SCRN2: variants seen among roughly 807,000 people sequenced by gnomAD.
SCRN2 encodes the protein secernin 2.
In SCRN2, 30 loss-of-function variants were observed where a neutral mutation model predicts 40.1. The ratio of observed to expected loss-of-function variants is 0.75; its 90% CI spans 0.56 to 1.01. The LOEUF (loss-of-function observed/expected upper bound fraction) is 1.01, where lower values mean the gene tolerates loss of function less well. Among genes scored for constraint, SCRN2 ranks in the 50% least tolerant of loss-of-function variants. The pLI is 0.00. For missense variants in SCRN2, 526 were observed against 564.9 expected, an observed-to-expected ratio of 0.93 and a Z score of 0.70; for synonymous variants, 240 against 233.5, an observed-to-expected ratio of 1.03 and a Z score of -0.25.
Position 47,838,981 on chromosome 17 carries a change from C to T in SCRN2, c.582G>A (p.Gln194=). The T allele has an allele frequency of 6.2e-7, 1 of 1,614,012 alleles. No individual in the cohort carries two copies. The highest frequency in any genetic ancestry group is 1.3e-5 in the African/African-American group (1 of 75,076). Residue 194 remains glutamine (Q), a synonymous_variant, in exon 5 of 8, where the codon CAG becomes CAA. Transcript: ENST00000290216. ...IQEGARNISN[Q]LSIGTDISAQ... ...CCGAGATGTCCGTGCCAATGCTCAGCTGGTTGGAGATGTTGCGGGCCCCCT... is the reference window on the plus strand; with the variant it reads ...CCGAGATGTCCGTGCCAATGCTCAGTTGGTTGGAGATGTTGCGGGCCCCCT...
intron 7 of SCRN2, 59 bp from the exon 8 acceptor site, chr17:47,838,061 G>A: frequency 6.3e-7 from 1 of 1,580,686 alleles, no homozygotes; most frequent in Non-Finnish European, 8.5e-7. Flanking sequence ...CCAGGTGAAG[G>A]GGGGACTGTG....
chr17:47,840,805 G>A lies in SCRN2; in HGVS notation c.39C>T (p.Asp13=), dbSNP rs751504715. Residue 13 remains aspartate, a synonymous_variant, in exon 2 of 8, where the codon GAC becomes GAT. Coordinates refer to ENST00000290216, the MANE Select transcript of SCRN2 (RefSeq NM_138355.4). Reference sequence around the variant, plus strand: ...AGGCCGGGGGCACGGAGACAAAGCAGTCGCAGGAACATGGGGAGTCAGGGC... The same window carrying A: ...AGGCCGGGGGCACGGAGACAAAGCAATCGCAGGAACATGGGGAGTCAGGGC... ...SSSPDSPCSC[D]CFVSVPPASA... The A allele has an allele frequency of 5.1e-6, 8 of 1,565,938 alleles. No individual in the cohort carries two copies. Among genetic ancestry groups the A allele is most frequent in the Middle Eastern group, 1.7e-4 (1 of 5,850 alleles).
chr17:47,840,815 C>A lies in SCRN2; in HGVS notation c.29G>T (p.Cys10Phe). The stretch of plus-strand genomic sequence containing the variant: ...CACGGAGACAAAGCAGTCGCAGGAA[C>A]ATGGGGAGTCAGGGCTCGACGACGC... MASSSPDSP[C>F]SCDCFVSVPP... Residue 10 changes from cysteine to phenylalanine, a missense_variant, in exon 2 of 8, where the codon TGT becomes TTT. Physicochemically the swap from Cys to Phe is radical, Grantham distance 205. Transcript: ENST00000290216. The A allele has an allele frequency of 6.4e-7, 1 of 1,551,590 alleles. No individual in the cohort carries two copies. Among genetic ancestry groups the A allele is most frequent in the Non-Finnish European group, 8.7e-7 (1 of 1,145,778 alleles).
chr17:47,840,797 A>G lies in SCRN2; in HGVS notation c.47T>C (p.Val16Ala). 6.4e-7 allele frequency: 1 copy of G among 1,574,212 alleles called. No homozygotes were observed. The highest frequency in any genetic ancestry group is 8.6e-7 in the Non-Finnish European group (1 of 1,157,632). Residue 16 changes from valine to alanine, a missense_variant, in exon 2 of 8, where the codon GTC becomes GCC. By Grantham distance (64) the Val-to-Ala change is moderately conservative. Coordinates refer to ENST00000290216, the MANE Select transcript of SCRN2 (RefSeq NM_138355.4). ...GATGGCTGAGGCCGGGGGCACGGAG[A>G]CAAAGCAGTCGCAGGAACATGGGGA... The part of the protein sequence containing the change: ...PDSPCSCDCF[V>A]SVPPASAIPA...
Position 47,840,234 on chromosome 17 carries a change from G to T in SCRN2, c.313C>A (p.Pro105Thr). Reference sequence around the variant, plus strand: ...AGCAGGGCTTCCCCCTCCCCAACTGGCTCCTTCGTCCACACAGCCTCGTTG... The same window carrying T: ...AGCAGGGCTTCCCCCTCCCCAACTGTCTCCTTCGTCCACACAGCCTCGTTG... ...IGNEAVWTKE[P>T]VGEGEALLGM... The change falls in exon 3 of 8, where the codon CCA (proline) becomes ACA (threonine). Residue 105 changes from proline (P) to threonine (T), a missense_variant. Coordinates refer to ENST00000290216, the MANE Select transcript of SCRN2 (RefSeq NM_138355.4). 6.2e-7 allele frequency: 1 copy of T among 1,614,020 alleles called. No homozygotes were observed. Among genetic ancestry groups the T allele is most frequent in the Non-Finnish European group, 8.5e-7 (1 of 1,180,038 alleles).
rs1202680345 is a variant in SCRN2 at position 47,839,698 on chromosome 17, T to C, written c.357-55A>G. 14 of 1,591,958 alleles carry C rather than the reference T, an allele frequency of 8.8e-6. No individual in the cohort carries two copies. The African/African-American group carries it at 1.9e-4, about 21-fold the overall frequency. ...GGGTGACAGAGGGATCAATGGCTGGTGGCAGAAGCTCCAGGGGACAGAAGA... is the reference window on the plus strand; with the variant it reads ...GGGTGACAGAGGGATCAATGGCTGGCGGCAGAAGCTCCAGGGGACAGAAGA... On this transcript the variant is annotated intron_variant, in intron 3 of 7. Coordinates refer to ENST00000290216, the MANE Select transcript of SCRN2 (RefSeq NM_138355.4).
Position 47,837,694 on chromosome 17 carries a change from A to T in SCRN2, c.*150T>A. On this transcript the variant is annotated 3_prime_UTR_variant, in exon 8 of 8. Coordinates refer to ENST00000290216, the MANE Select transcript of SCRN2 (RefSeq NM_138355.4). The stretch of plus-strand genomic sequence containing the variant: ...CCTGGGATAAAGTTCACTGAAGAGA[A>T]AATAAAGCACATTTATTAAGGCAAA... The T allele has an allele frequency of 2.0e-6, 2 of 986,860 alleles. No individual in the cohort carries two copies. Among genetic ancestry groups the T allele is most frequent in the Non-Finnish European group, 2.8e-6 (2 of 709,630 alleles). 61.1% of individuals were successfully genotyped at this position (986,860 alleles called of 1,614,324 possible). A position where few individuals can be genotyped will look rare whatever the true frequency, so the allele number is the denominator to read the frequency against.
At chr17:47,838,472 C>T (rs1464216227) in intron 6 of SCRN2, 22 bp from the exon 7 acceptor site, 1 of 1,613,616 alleles carries the variant, frequency 6.2e-7, no homozygotes, top group Non-Finnish European at 8.5e-7. Context: ...CAGATGGAAG[C>T]ACGGAGATAT....
intron 7 of SCRN2, 57 bp from the exon 8 acceptor site, chr17:47,838,059 A>AC: frequency 6.3e-7 from 1 of 1,581,688 alleles, no homozygotes; most frequent in East Asian, 2.2e-5. Context: ...CGCCAGGTGA[A>AC]GGGGGGACTG....
chr17:47,840,308 CAAG>C lies in SCRN2; in HGVS notation c.236_238del (p.Ser79del). On this transcript the variant is annotated inframe_deletion, in exon 3 of 8. Transcript: ENST00000290216. ...GGCGCCCATCTCAGCCCCCCATAGC[CAAG>C]AAGGACGGCTCAGAATCACAGCGTG... 1.2e-6 allele frequency: 2 copies of C among 1,614,212 alleles called. No individual in the cohort carries two copies. The highest frequency in any genetic ancestry group is 1.1e-5 in the South Asian group (1 of 91,084).
chr17:47,840,541 T>C, intron 2 of SCRN2, 129 bp downstream of exon 2: 1 of 1,261,596 alleles, frequency 7.9e-7, no homozygotes, highest in Non-Finnish European at 1.1e-6. Context: ...AGGTCCAGGT[T>C]GGTAGACCTA....
intron 4 of SCRN2, 114 bp from the exon 5 acceptor site, chr17:47,839,120 C>A: frequency 8.7e-7 from 1 of 1,149,896 alleles, no homozygotes; most frequent in Non-Finnish European, 1.2e-6. Context: ...CCTCATGGAG[C>A]CTACGTTTTG....
intron 1 of SCRN2, 150 bp from the exon 2 acceptor site, chr17:47,840,993 G>A (rs1487718897): frequency 3.0e-6 from 2 of 676,416 alleles, no homozygotes; most frequent in Non-Finnish European, 4.3e-6. Flanking sequence ...TGCGGGAACG[G>A]AGGTGCCCAC....
rs139253669 is a variant in SCRN2 at position 47,837,847 on chromosome 17, C to T, written c.1275G>A (p.Ala425=). Residue 425 remains alanine (A), a synonymous_variant, in exon 8 of 8, where the codon GCG becomes GCA. Transcript: ENST00000290216. ...AGGCCAGCAGAAGCTATGAAGCTTACGCATAAGCCTGGCTCTCCCTCTTCA... is the reference window on the plus strand; with the variant it reads ...AGGCCAGCAGAAGCTATGAAGCTTATGCATAAGCCTGGCTCTCCCTCTTCA... ...AFVKRESQAY[A] 216 of 1,598,000 alleles carry T rather than the reference C, an allele frequency of 1.4e-4. No individual in the cohort carries two copies. The Admixed American group carries it at 1.7e-3, about 13-fold the overall frequency.
Position 47,839,026 on chromosome 17 carries a change from GTGGTTCATTTACCAT to G in SCRN2, c.557-35_557-21del. ...CCCCCTCTGTGGAGGAGATCGGGGAGTGGTTCATTTACCATTGAGCATCTATTCTATGCCAGGCAC... is the reference window on the plus strand; with the variant it reads ...CCCCCTCTGTGGAGGAGATCGGGGAGTGAGCATCTATTCTATGCCAGGCAC... On this transcript the variant is annotated intron_variant, in intron 4 of 7. Coordinates refer to ENST00000290216, the MANE Select transcript of SCRN2 (RefSeq NM_138355.4). 1 of 1,611,486 alleles carries G rather than the reference GTGGTTCATTTACCAT, an allele frequency of 6.2e-7. No homozygotes were observed. Among genetic ancestry groups the G allele is most frequent in the Admixed American group, 1.7e-5 (1 of 59,978 alleles).
chr17:47,838,118 C>T, intron 7 of SCRN2, 116 bp from the exon 8 acceptor site: 1 of 1,529,256 alleles, frequency 6.5e-7, no homozygotes, highest in South Asian at 1.2e-5. Context: ...CCGACATTCC[C>T]CAAAGGCAGT....
At position 47,838,290 on chromosome 17, in the gene SCRN2, C is replaced by T. The variant is rs780571854; in HGVS notation, c.1099G>A (p.Gly367Arg). The T allele has an allele frequency of 2.6e-5, 42 of 1,600,654 alleles. No homozygotes were observed. The highest frequency in any genetic ancestry group is 1.3e-4 in the Admixed American group (7 of 55,992). ...GATACCTGATCTCTCTCCATCAGCC[C>T]CAGGGCTGCCTGGTGTCCACGGTAG... ...TLYRGHQAALGLMERDQDRGQ... is the reference protein window; with the variant it reads ...TLYRGHQAALRLMERDQDRGQ... The change falls in exon 7 of 8, where the codon GGG (glycine) becomes AGG (arginine). Residue 367 changes from glycine (G) to arginine (R), a missense_variant. Coordinates refer to ENST00000290216, the MANE Select transcript of SCRN2 (RefSeq NM_138355.4).
intron 1 of SCRN2, 70 bp from the exon 2 acceptor site, chr17:47,840,913 G>A: frequency 1.5e-6 from 2 of 1,347,902 alleles, no homozygotes; most frequent in Admixed American, 3.5e-5. Flanking sequence ...ACCCCCACAC[G>A]TGTAAAAGAC....
At chr17:47,841,117 C>T (rs949652043) in intron 1 of SCRN2, 91 bp downstream of exon 1, 1 of 348,308 alleles carries the variant, frequency 2.9e-6, no homozygotes, top group Non-Finnish European at 5.2e-6. Context: ...CTCGCTACCC[C>T]ACCAAGAGTC....
Sources: gnomAD v4.1 joint callset for allele counts on GRCh38, gnomAD v4.1.1 for gene constraint, MANE v1.5 for transcripts, NCBI Gene and HGNC (gene_info 2026-07-23, HGNC 2026-07-21) for gene names.